The following CCDC112 variants were observed in gnomAD, a reference collection of about 807,000 sequenced individuals.
CCDC112 encodes coiled-coil domain containing 112, also known as coiled-coil domain-containing protein 112.
A neutral mutation model predicts 66.3 loss-of-function variants in CCDC112; 40 were observed. That is an observed-to-expected ratio of 0.60 (90% CI 0.47 to 0.79). The LOEUF is 0.79. Ranked by LOEUF, CCDC112 falls within the 30% of genes least tolerant of loss-of-function variation. The pLI is 0.00. For synonymous variants in CCDC112, 214 were observed against 197.2 expected, an observed-to-expected ratio of 1.09 and a Z score of -0.71; for missense variants, 659 against 603.8, an observed-to-expected ratio of 1.09 and a Z score of -0.96.
intron 1 of CCDC112, among the ~76,000 whole-genome samples, chr5:115,291,460 T>C (rs1377733586): frequency 6.6e-6 from 1 of 152,180 alleles, no homozygotes; most frequent in Non-Finnish European, 1.5e-5. Flanking sequence ...ATGTTTTTTG[T>C]TTGATTTTGG....
rs143464892 is a variant in CCDC112 at position 115,272,094 on chromosome 5, T to G, written c.919-468A>C. ...CACCAGCCACCATGTCTGGCTAATT[T>G]TTTTGTATTTTTAGTATAGGGTTTC... On this transcript the variant is annotated intron_variant, in intron 6 of 9. Transcript: ENST00000379611. Among the ~76,000 whole-genome samples, 1,225 of 152,114 alleles carry G rather than the reference T, an allele frequency of 8.1e-3. 25 individuals carry two copies. Among genetic ancestry groups the G allele is most frequent in the African/African-American group, 0.028 (1,171 of 41,498 alleles).
At chr5:115,268,281 T>C (rs1748838087) in intron 9 of CCDC112, among the ~76,000 whole-genome samples, 1 of 151,926 alleles carries the variant, frequency 6.6e-6, no homozygotes, top group Non-Finnish European at 1.5e-5. Context: ...TTTTACTTTA[T>C]TTATTTATTT....
chr5:115,273,847 C>G (rs916168930), intron 6 of CCDC112, among the ~76,000 whole-genome samples: 2 of 152,142 alleles, frequency 1.3e-5, no homozygotes, highest in Non-Finnish European at 2.9e-5. Context: ...ATGTTTTCAG[C>G]ATTCTGGGGA....
intron 4 of CCDC112, among the ~76,000 whole-genome samples, 153 bp from the exon 5 acceptor site, chr5:115,276,222 T>C (rs918518712): frequency 1.6e-4 from 24 of 152,200 alleles, no homozygotes; most frequent in African/African-American, 4.8e-4. Context: ...ATTTTTATGA[T>C]TGCTATTTTT....
intron 3 of CCDC112, among the ~76,000 whole-genome samples, chr5:115,278,090 G>A (rs1749285211): frequency 6.6e-6 from 1 of 151,972 alleles, no homozygotes. Flanking sequence ...TTCCATAAAG[G>A]CAGAAACTTT....
chr5:115,296,054 C>A, intron 1 of CCDC112: 1 of 1,005,616 alleles, frequency 9.9e-7, no homozygotes, highest in African/African-American at 1.7e-5. Flanking sequence ...CAGAGTCCCC[C>A]TCCAATCAAG....
At position 115,271,472 on chromosome 5, in the gene CCDC112, A is replaced by G. The variant is rs1185028601; in HGVS notation, c.1073T>C (p.Val358Ala). 6.8e-6 allele frequency: 11 copies of G among 1,612,884 alleles called. No individual in the cohort carries two copies. Among genetic ancestry groups the G allele is most frequent in the South Asian group, 1.1e-5 (1 of 90,630 alleles). Residue 358 changes from valine (V) to alanine (A), a missense_variant, in exon 7 of 10, where the codon GTT becomes GCT. Coordinates refer to ENST00000379611, the MANE Select transcript of CCDC112 (RefSeq NM_001040440.3). ...ACTTTTCTGTTTCTTCCAAGCTTCAACTGCCAATTTCTGTTTCTTTCTTTG... is the reference window on the plus strand; with the variant it reads ...ACTTTTCTGTTTCTTCCAAGCTTCAGCTGCCAATTTCTGTTTCTTTCTTTG... ...EEQRKKQKLA[V>A]EAWKKQKSIE...
chr5:115,284,064 G>A (rs1157239574), intron 2 of CCDC112, among the ~76,000 whole-genome samples: 1 of 151,482 alleles, frequency 6.6e-6, no homozygotes, highest in Non-Finnish European at 1.5e-5. Context: ...GATCTGAAAG[G>A]AGCAGAAACC....
At position 115,267,774 on chromosome 5, in the gene CCDC112, C is replaced by G; in HGVS notation, c.*102G>C. 1.1e-6 allele frequency: 1 copy of G among 917,692 alleles called. No homozygotes were observed. The highest frequency in any genetic ancestry group is 1.9e-5 in the Admixed American group (1 of 53,082). 56.8% of individuals were successfully genotyped at this position (917,692 alleles called of 1,614,324 possible). ...TTCACAATATAGCACAATAATCAAT[C>G]TGACTAAGCTATTGATATTTAAAGA... On this transcript the variant is annotated 3_prime_UTR_variant, in exon 10 of 10. Coordinates refer to ENST00000379611, the MANE Select transcript of CCDC112 (RefSeq NM_001040440.3).
chr5:115,282,132 T>C (rs1749482688), intron 2 of CCDC112, among the ~76,000 whole-genome samples: 2 of 152,192 alleles, frequency 1.3e-5, no homozygotes, highest in African/African-American at 4.8e-5. Context: ...GTTAAATAAA[T>C]CATATTACAT....
intron 6 of CCDC112, among the ~76,000 whole-genome samples, chr5:115,273,474 C>G (rs1749085386): frequency 1.3e-5 from 2 of 152,280 alleles, no homozygotes; most frequent in African/African-American, 4.8e-5. Context: ...CCAACATGCC[C>G]TACTTCAGTA....
intron 1 of CCDC112, among the ~76,000 whole-genome samples, chr5:115,287,783 T>C (rs1278823495): frequency 6.9e-6 from 1 of 144,870 alleles, no homozygotes; most frequent in African/African-American, 2.5e-5. Flanking sequence ...AATGATCCTC[T>C]CATCTCAGCC....
intron 1 of CCDC112, among the ~76,000 whole-genome samples, chr5:115,293,795 G>A (rs1750035195): frequency 6.6e-6 from 1 of 152,162 alleles, no homozygotes; most frequent in African/African-American, 2.4e-5. Flanking sequence ...ATTATTGAAG[G>A]GTTATTTCAG....
chr5:115,292,454 CTG>C (rs1449067413), intron 1 of CCDC112, among the ~76,000 whole-genome samples: 2 of 152,178 alleles, frequency 1.3e-5, no homozygotes, highest in African/African-American at 4.8e-5. Flanking sequence ...ATTTAAATAA[CTG>C]TTTTGAAGTC....
intron 7 of CCDC112, among the ~76,000 whole-genome samples, chr5:115,270,116 AT>A (rs1561492874): frequency 6.6e-6 from 1 of 151,128 alleles, no homozygotes; most frequent in East Asian, 1.9e-4. Context: ...ATTATTTTAT[AT>A]TTTCTGTTTT....
Position 115,267,893 on chromosome 5 carries a change from T to A in CCDC112, c.1573A>T (p.Ile525Leu), listed in dbSNP as rs1166980257. 6.2e-7 allele frequency: 1 copy of A among 1,611,774 alleles called. No homozygotes were observed. Among genetic ancestry groups the A allele is most frequent in the Non-Finnish European group, 8.5e-7 (1 of 1,178,026 alleles). Residue 525 changes from isoleucine to leucine, a missense_variant, in exon 10 of 10, where the codon ATA (isoleucine) becomes TTA (leucine). Transcript: ENST00000379611. ...HRAIPTWRQG[I>L]QRRV is the part of the protein sequence containing the mutation. ...TGATTATCTCATACTCTTCTCTGTA[T>A]TCCTTGTCTCCAGGTTGGAATAGCC...
intron 2 of CCDC112, among the ~76,000 whole-genome samples, chr5:115,283,879 G>C (rs555551181): frequency 4.6e-5 from 7 of 152,178 alleles, no homozygotes; most frequent in Middle Eastern, 3.4e-3. Flanking sequence ...AGGGTAGAGT[G>C]GGGTGCCTTG....
intron 3 of CCDC112, among the ~76,000 whole-genome samples, chr5:115,278,279 A>T (rs1302869107): frequency 6.6e-6 from 1 of 152,116 alleles, no homozygotes; most frequent in African/African-American, 2.4e-5. Flanking sequence ...TAGATAGACA[A>T]ATCATTTAAG....
Position 115,269,730 on chromosome 5 carries a change from T to C in CCDC112, c.1401A>G (p.Gln467=). 1.2e-6 allele frequency: 2 copies of C among 1,603,372 alleles called. No homozygotes were observed. Among genetic ancestry groups the C allele is most frequent in the Non-Finnish European group, 1.7e-6 (2 of 1,175,594 alleles). ...TTTCTTTTAATTTTGCCAGTCTTCTTTGTTTTTGTGACTTTTCATCTTCCT... is the reference window on the plus strand; with the variant it reads ...TTTCTTTTAATTTTGCCAGTCTTCTCTGTTTTTGTGACTTTTCATCTTCCT... ...QAKEDEKSQK[Q]RRLAKLKEKV... Residue 467 remains glutamine (Q), a synonymous_variant, in exon 8 of 10, where the codon CAA becomes CAG. Coordinates refer to ENST00000379611, the MANE Select transcript of CCDC112 (RefSeq NM_001040440.3).
Sources: gnomAD v4.1 joint callset for allele counts (sites outside exome capture counted in the v4.1 genomes callset) on GRCh38, gnomAD v4.1.1 for gene constraint, MANE v1.5 for transcripts, NCBI Gene and HGNC (gene_info 2026-07-23, HGNC 2026-07-21) for gene names.